MITF: variants seen among roughly 807,000 people sequenced by gnomAD.
The protein encoded by MITF is microphthalmia-associated transcription factor.
A neutral mutation model predicts 60.5 loss-of-function variants in MITF; 17 were observed. The ratio of observed to expected loss-of-function variants is 0.28; its 90% CI spans 0.19 to 0.42. MITF has a LOEUF of 0.42. MITF is among the 10% of genes least tolerant of loss of function. The pLI, the probability that MITF is intolerant of heterozygous loss-of-function variation, is 1.00. For missense variants in MITF, 622 were observed against 683.5 expected, an observed-to-expected ratio of 0.91 and a Z score of 1.00; for synonymous variants, 260 against 248.5, an observed-to-expected ratio of 1.05 and a Z score of -0.43.
intron 1 of MITF, among the ~76,000 whole-genome samples, chr3:69,775,079 C>G (rs56286049): frequency 0.22 from 33,426 of 152,144 alleles, 3,992 homozygotes; most frequent in East Asian, 0.52. Context: ...TGCTTCCCAA[C>G]CCACCTCCTT....
intron 1 of MITF, among the ~76,000 whole-genome samples, chr3:69,756,174 G>T (rs1172439670): frequency 6.6e-6 from 1 of 151,902 alleles, no homozygotes; most frequent in Non-Finnish European, 1.5e-5. Flanking sequence ...GTGCAGGTTT[G>T]TTACATAAGT....
At chr3:69,810,772 G>A (rs916541098) in intron 1 of MITF, among the ~76,000 whole-genome samples, 10 of 152,154 alleles carry the variant, frequency 6.6e-5, no homozygotes, top group Admixed American at 3.3e-4. Flanking sequence ...CATCTGCAGT[G>A]TACATGGGAC....
intron 1 of MITF, among the ~76,000 whole-genome samples, chr3:69,860,852 C>T (rs2064003964): frequency 6.6e-6 from 1 of 152,000 alleles, no homozygotes; most frequent in African/African-American, 2.4e-5. Flanking sequence ...CCTTGGTTTC[C>T]GGGGACAATG....
chr3:69,893,278 G>A (rs2064798913), intron 2 of MITF, among the ~76,000 whole-genome samples: 1 of 151,844 alleles, frequency 6.6e-6, no homozygotes, highest in Admixed American at 6.6e-5. Context: ...TTCTGTTAGG[G>A]TTTGCATTTT....
intron 2 of MITF, among the ~76,000 whole-genome samples, chr3:69,912,163 T>C (rs1000627874): frequency 6.6e-6 from 1 of 152,238 alleles, no homozygotes; most frequent in Non-Finnish European, 1.5e-5. Context: ...TCAACAAGTA[T>C]GTAATTTTTG....
chr3:69,764,203 A>G (rs1559616262), intron 1 of MITF, among the ~76,000 whole-genome samples: 1 of 152,150 alleles, frequency 6.6e-6, no homozygotes, highest in Non-Finnish European at 1.5e-5. Context: ...CAGTGTTGGT[A>G]TTTGAAGCTG....
chr3:69,882,946 T>G (rs1379208247), intron 2 of MITF, among the ~76,000 whole-genome samples: 1 of 152,162 alleles, frequency 6.6e-6, no homozygotes, highest in Non-Finnish European at 1.5e-5. Context: ...AAAATGTTTC[T>G]CTGTTCAGAA....
rs534851956 is a variant in MITF, at chr3:69,959,261, T to C, written c.1032-12T>C. 6.2e-7 allele frequency: 1 copy of C among 1,613,904 alleles called. No individual in the cohort carries two copies. The highest frequency in any genetic ancestry group is 1.3e-5 in the African/African-American group (1 of 75,032). ...TCCTAAAAATATCTGTTTTCCTCCA[T>C]TTTCATCGCAGAGACATGCGCTGGA... On this transcript the variant is annotated splice_polypyrimidine_tract_variant and intron_variant, in intron 8 of 9. Transcript: ENST00000352241.
intron 1 of MITF, among the ~76,000 whole-genome samples, chr3:69,799,029 A>G (rs369964648): frequency 1.3e-5 from 2 of 152,198 alleles, no homozygotes; most frequent in East Asian, 3.8e-4. Context: ...TACAGCAGAG[A>G]GAGCGTCAGA....
chr3:69,739,664 A>G lies in MITF; in HGVS notation c.67A>G (p.Thr23Ala). 1.3e-6 allele frequency: 2 copies of G among 1,581,822 alleles called. No individual in the cohort carries two copies. The highest frequency in any genetic ancestry group is 1.7e-6 in the Non-Finnish European group (2 of 1,162,214). ...VGEEFHEEPK[T>A]YYELKSQPLK... is the part of the protein sequence containing the mutation. ...GGAGGAGTTTCATGAAGAGCCCAAA[A>G]CCTATTACGAACTCAAAAGTCAACC... The change falls in exon 1 of 10, where the codon ACC becomes GCC. Residue 23 changes from threonine (T) to alanine (A), a missense_variant. By Grantham distance (58) the Thr-to-Ala change is moderately conservative (BLOSUM62 0). Around this residue, in one of 5 missense-constraint regions of MITF, gnomAD observed 149 missense variants for 157.8 expected, o/e 0.94. Coordinates refer to ENST00000352241, the MANE Select transcript of MITF (RefSeq NM_001354604.2).
chr3:69,938,809 A>C, intron 3 of MITF: 1 of 1,387,398 alleles, frequency 7.2e-7, no homozygotes, highest in South Asian at 1.6e-5. Flanking sequence ...TGTTTATGCA[A>C]ATTCGGAGGC....
chr3:69,961,719 C>T (rs1028798964), intron 9 of MITF, among the ~76,000 whole-genome samples: 2 of 152,082 alleles, frequency 1.3e-5, no homozygotes, highest in African/African-American at 2.4e-5. Flanking sequence ...AGCAAGACTC[C>T]GTCTCAAAAA....
intron 1 of MITF, among the ~76,000 whole-genome samples, chr3:69,853,934 C>A (rs903388188): frequency 6.7e-6 from 1 of 149,720 alleles, no homozygotes; most frequent in African/African-American, 2.5e-5. Context: ...GATCTCAGCT[C>A]ACTGCAACCT....
intron 1 of MITF, among the ~76,000 whole-genome samples, chr3:69,780,162 C>G (rs560412476): frequency 4.6e-5 from 7 of 152,180 alleles, no homozygotes; most frequent in Non-Finnish European, 2.9e-5. Context: ...GGCAATGCAA[C>G]TGAAGGAAAA....
intron 9 of MITF, among the ~76,000 whole-genome samples, chr3:69,959,715 G>A (rs2066493431): frequency 6.6e-6 from 1 of 152,200 alleles, no homozygotes; most frequent in Non-Finnish European, 1.5e-5. Flanking sequence ...CTGCTGTCTT[G>A]TTTCAGCTCT....
chr3:69,769,792 G>C lies in MITF; in HGVS notation c.104+30091G>C, dbSNP rs537633337. 2.0e-5 allele frequency: 3 copies of C among 152,282 alleles called. No individual in the cohort carries two copies. In the South Asian group the frequency reaches 6.2e-4, roughly 32 times the overall value. 9.4% of individuals were successfully genotyped at this position (152,282 alleles called of 1,614,324 possible). A position where few individuals can be genotyped will look rare whatever the true frequency, so the allele number is the denominator to read the frequency against. The stretch of plus-strand genomic sequence containing the variant: ...CAGTGCCTTTTCTTTCTTTAAACTG[G>C]AGACTCAATAATGCAATTTCTGAAT... On this transcript the variant is annotated intron_variant, in intron 1 of 9. Coordinates refer to ENST00000352241, the MANE Select transcript of MITF (RefSeq NM_001354604.2).
At chr3:69,909,296 G>A (rs181865159) in intron 2 of MITF, among the ~76,000 whole-genome samples, 203 of 152,284 alleles carry the variant, frequency 1.3e-3, no homozygotes, top group African/African-American at 4.3e-3. Context: ...TGATTCTGAG[G>A]CCTTCCCAGC....
chr3:69,770,436 T>C (rs2062375806), intron 1 of MITF, among the ~76,000 whole-genome samples: 1 of 152,152 alleles, frequency 6.6e-6, no homozygotes, highest in Non-Finnish European at 1.5e-5. Context: ...GTTTTCCAAG[T>C]AGGAAAATAA....
chr3:69,809,229 G>T (rs1434623417), intron 1 of MITF, among the ~76,000 whole-genome samples: 1 of 152,126 alleles, frequency 6.6e-6, no homozygotes, highest in African/African-American at 2.4e-5. Flanking sequence ...ATAGGATAAG[G>T]AATGGGGTGA....
Sources: allele counts gnomAD v4.1 joint callset (sites outside exome capture counted in the v4.1 genomes callset), GRCh38; gene constraint gnomAD v4.1.1; regional missense constraint gnomAD v4.1.1; transcripts MANE v1.5; gene names NCBI Gene and HGNC (gene_info 2026-07-23, HGNC 2026-07-21).